KCNH7: variants seen among roughly 807,000 people sequenced by gnomAD.
The protein encoded by KCNH7 is potassium voltage-gated channel subfamily H member 7.
A neutral mutation model predicts 120.8 loss-of-function variants in KCNH7; 49 were observed. The ratio of observed to expected loss-of-function variants is 0.41; its 90% confidence interval spans 0.32 to 0.51. KCNH7 has a LOEUF of 0.51. Ranked by LOEUF, KCNH7 falls within the 20% of genes least tolerant of loss-of-function variation. KCNH7 has a pLI of 0.38. For synonymous variants in KCNH7, 547 were observed against 516.1 expected, an observed-to-expected ratio of 1.06 and a Z score of -0.81; for missense variants, 1,097 against 1,446.6, an observed-to-expected ratio of 0.76 and a Z score of 3.92.
chr2:162,405,235 T>G (rs1687175513), intron 9 of KCNH7, among the ~76,000 whole-genome samples: 1 of 151,996 alleles, frequency 6.6e-6, no homozygotes, highest in South Asian at 2.1e-4. Flanking sequence ...CTTTGGGACT[T>G]TCAAAGTTAC....
At chr2:162,471,956 TTGACAAACC>T (rs1254484126) in intron 6 of KCNH7, among the ~76,000 whole-genome samples, 1 of 152,226 alleles carries the variant, frequency 6.6e-6, no homozygotes, top group African/African-American at 2.4e-5. Flanking sequence ...CATCTGATCT[TTGACAAACC>T]TGACAAAAAC....
chr2:162,624,806 C>CAGCTG (rs1414455094), intron 2 of KCNH7, among the ~76,000 whole-genome samples: 2 of 151,542 alleles, frequency 1.3e-5, no homozygotes, highest in Non-Finnish European at 2.9e-5. Flanking sequence ...ATTCCATTGG[C>CAGCTG]AGCTGAGCAA....
chr2:162,412,129 C>T lies in KCNH7; in HGVS notation c.2154+11207G>A, dbSNP rs570786558. ...CAAAAACAAATTCTATCAGAATTTG[C>T]TAAATTGGCTGGATAGAAGATAAAT... On this transcript the variant is annotated intron_variant, in intron 9 of 15. Coordinates refer to ENST00000332142, the MANE Select transcript of KCNH7 (RefSeq NM_033272.4). 1.1e-3 allele frequency among the ~76,000 whole-genome samples: 173 copies of T among 151,952 alleles called. 1 individual carries two copies. In the Middle Eastern group the frequency reaches 0.021, roughly 18 times the overall value.
chr2:162,828,947 C>T (rs1048321681), intron 2 of KCNH7, among the ~76,000 whole-genome samples: 9 of 152,096 alleles, frequency 5.9e-5, no homozygotes, highest in African/African-American at 2.2e-4. Flanking sequence ...TGCACACAAG[C>T]AGGCCTACTT....
At chr2:162,809,326 T>C (rs1684652009) in intron 2 of KCNH7, among the ~76,000 whole-genome samples, 1 of 152,190 alleles carries the variant, frequency 6.6e-6, no homozygotes, top group South Asian at 2.1e-4. Context: ...TTCTTCAGCT[T>C]CTTGTTTCTT....
At chr2:162,385,795 G>C (rs1387024753) in intron 12 of KCNH7, among the ~76,000 whole-genome samples, 1 of 151,790 alleles carries the variant, frequency 6.6e-6, no homozygotes, top group South Asian at 2.1e-4. Context: ...TCCACTCTAC[G>C]CCTCAGTGTG....
At chr2:162,589,951 G>T (rs16846969) in intron 2 of KCNH7, among the ~76,000 whole-genome samples, 6,606 of 152,100 alleles carry the variant, frequency 0.043, 290 homozygotes, top group East Asian at 0.11. Context: ...CCGACATATT[G>T]AGGAATGAAC....
intron 2 of KCNH7, among the ~76,000 whole-genome samples, chr2:162,547,437 A>G (rs1246093251): frequency 6.6e-6 from 1 of 152,170 alleles, no homozygotes; most frequent in Non-Finnish European, 1.5e-5. Flanking sequence ...TCTCAAGACG[A>G]CTAATTTTAT....
chr2:162,533,780 A>G (rs1258427580), intron 3 of KCNH7, among the ~76,000 whole-genome samples: 1 of 151,586 alleles, frequency 6.6e-6, no homozygotes, highest in Non-Finnish European at 1.5e-5. Flanking sequence ...GAGGACAGGA[A>G]ATAAGTAAGG....
At chr2:162,795,671 A>T (rs1684119915) in intron 2 of KCNH7, 1 of 152,074 alleles carries the variant, frequency 6.6e-6, no homozygotes, top group African/African-American at 2.4e-5. Flanking sequence ...TATGTAAGAA[A>T]ACCTTCTCTT....
At chr2:162,755,472 A>AAAAAC (rs375275907) in intron 2 of KCNH7, among the ~76,000 whole-genome samples, 8 of 152,254 alleles carry the variant, frequency 5.3e-5, no homozygotes, top group South Asian at 2.1e-4. Flanking sequence ...ACTCCATCTC[A>AAAAAC]AAAACAAAAC....
At chr2:162,801,017 C>G (rs951330690) in intron 2 of KCNH7, among the ~76,000 whole-genome samples, 1 of 151,730 alleles carries the variant, frequency 6.6e-6, no homozygotes, top group Non-Finnish European at 1.5e-5. Context: ...ACATTTATTT[C>G]ACATTTTACA....
intron 2 of KCNH7, among the ~76,000 whole-genome samples, chr2:162,547,435 C>T (rs891066414): frequency 5.9e-5 from 9 of 152,086 alleles, no homozygotes; most frequent in East Asian, 1.9e-4. Context: ...TTTCTCAAGA[C>T]GACTAATTTT....
At position 162,384,224 on chromosome 2, in the gene KCNH7, A is replaced by C. The variant is rs556829943; in HGVS notation, c.2962+464T>G. ...ATACTTTATTTCAGGGCATTTCTCC[A>C]CTCTTTCTCATATTCTCTGTAAAAT... On this transcript the variant is annotated intron_variant, in intron 13 of 15. Coordinates refer to ENST00000332142, the MANE Select transcript of KCNH7 (RefSeq NM_033272.4). Among the ~76,000 whole-genome samples, 33 of 151,972 alleles carry C rather than the reference A, an allele frequency of 2.2e-4. No individual in the cohort carries two copies. The South Asian group carries it at 6.8e-3, about 32-fold the overall frequency.
At chr2:162,758,837 A>C (rs549142391) in intron 2 of KCNH7, among the ~76,000 whole-genome samples, 2 of 152,296 alleles carry the variant, frequency 1.3e-5, no homozygotes, top group Non-Finnish European at 2.9e-5. Context: ...ACTGCCTTTT[A>C]GCTAAGGTTT....
chr2:162,375,060 T>C (rs1049819626), intron 14 of KCNH7, among the ~76,000 whole-genome samples: 9 of 152,178 alleles, frequency 5.9e-5, no homozygotes, highest in African/African-American at 1.9e-4. Context: ...AGTCCCAGCT[T>C]ATATGTTATC....
chr2:162,781,835 T>C (rs1683504923), intron 2 of KCNH7, among the ~76,000 whole-genome samples: 1 of 152,028 alleles, frequency 6.6e-6, no homozygotes, highest in Non-Finnish European at 1.5e-5. Flanking sequence ...TTAAAATGTC[T>C]GAGAAAATTT....
At chr2:162,662,701 T>C (rs1685006072) in intron 2 of KCNH7, among the ~76,000 whole-genome samples, 1 of 152,226 alleles carries the variant, frequency 6.6e-6, no homozygotes, top group African/African-American at 2.4e-5. Context: ...CAGTAAACTG[T>C]ACTCTTCTTT....
At chr2:162,807,514 A>G (rs1435895743) in intron 2 of KCNH7, among the ~76,000 whole-genome samples, 2 of 152,106 alleles carry the variant, frequency 1.3e-5, no homozygotes, top group East Asian at 3.9e-4. Flanking sequence ...TAGGAAGTAG[A>G]GATTCTGATA....
Sources: allele counts gnomAD v4.1 joint callset (sites outside exome capture counted in the v4.1 genomes callset), GRCh38; gene constraint gnomAD v4.1.1; transcripts MANE v1.5; gene names NCBI Gene and HGNC (gene_info 2026-07-23, HGNC 2026-07-21).